ERI2: variants seen among roughly 807,000 people sequenced by gnomAD.
The protein encoded by ERI2 is ERI1 exoribonuclease 2.
Under a neutral mutation model 46.8 loss-of-function variants are expected in ERI2, and 35 were observed. The ratio of observed to expected loss-of-function variants is 0.75; its 90% CI spans 0.57 to 0.99. The LOEUF (loss-of-function observed/expected upper bound fraction) is 0.99. Among genes scored for constraint, ERI2 ranks in the 50% least tolerant of loss-of-function variants. ERI2 has a pLI of 0.00. For missense variants in ERI2, 695 were observed against 796.2 expected (o/e 0.87, Z 1.53); for synonymous variants, 224 against 271.0 (o/e 0.83, Z 1.70).
At chr16:20,789,610 A>G in intron 9 of ERI2, 1 of 1,245,358 alleles carries the variant, frequency 8.0e-7, no homozygotes. Flanking sequence ...CAAGAGGAAA[A>G]GATAATCAAG....
chr16:20,796,162 G>A, downstream of ERI2: 2 of 730,004 alleles, frequency 2.7e-6, no homozygotes, highest in South Asian at 4.6e-5. Flanking sequence ...GGATGAGGCT[G>A]GGTTGTTACA....
chr16:20,782,407 C>T (rs2080371935), intron 10 of ERI2, among the ~76,000 whole-genome samples: 1 of 152,118 alleles, frequency 6.6e-6, no homozygotes, highest in African/African-American at 2.4e-5. Flanking sequence ...CCCACCCTTT[C>T]CCCAGAGTCC....
Position 20,790,468 on chromosome 16 carries a change from A to AT in ERI2, c.815+381dup. On this transcript the variant is annotated intron_variant, in intron 9 of 10. Coordinates refer to the ERI2 transcript ENST00000300005. The surrounding 1 kb of genome is among the most constrained non-coding windows in gnomAD (Gnocchi z 4.0). ...TGAGACCTTGTCTCACACACACAAA[A>AT]TTTTTTTTAAGTCTTCATTTTTAAA... 1.2e-5 allele frequency: 12 copies of AT among 965,378 alleles called. No individual in the cohort carries two copies. Among genetic ancestry groups the AT allele is most frequent in the Non-Finnish European group, 1.9e-5 (12 of 643,864 alleles). The allele number at this position is 965,378 out of a possible 1,614,324, so 59.8% of individuals were successfully genotyped here. A position where few individuals can be genotyped will look rare whatever the true frequency, so the allele number is the denominator to read the frequency against.
intron 10 of ERI2, among the ~76,000 whole-genome samples, chr16:20,781,395 A>G (rs1870782028): frequency 6.6e-6 from 1 of 152,234 alleles, no homozygotes; most frequent in Non-Finnish European, 1.5e-5. Flanking sequence ...AAAAATGCAA[A>G]TAAAAAATAC....
rs2080745686 is a variant in ERI2, at chr16:20,797,625, C to T, written c.*99G>A. 12 of 1,361,698 alleles carry T rather than the reference C, an allele frequency of 8.8e-6. No individual in the cohort carries two copies. The highest frequency in any genetic ancestry group is 2.7e-4 in the Middle Eastern group (1 of 3,678). 84.4% of individuals were successfully genotyped at this position (1,361,698 alleles called of 1,614,324 possible). ...AAGAAAGTATGGTAAATGCAGTAAA[C>T]ATTAATATATAAAATAAAAATAAAA... On this transcript the variant is annotated 3_prime_UTR_variant, in exon 9 of 9. Transcript: ENST00000357967.
rs2080565995 is a variant in ERI2, at chr16:20,790,159, A to G, written c.816-602T>C. Among the ~76,000 whole-genome samples, 1 of 152,162 alleles carries G rather than the reference A, an allele frequency of 6.6e-6. No homozygotes were observed. The highest frequency in any genetic ancestry group is 2.1e-4 in the South Asian group (1 of 4,824). On this transcript the variant is annotated intron_variant, in intron 9 of 10. Transcript: ENST00000300005. This position sits in a 1 kb window ranked among gnomAD's most constrained non-coding sequence, Gnocchi z 4.0. The stretch of plus-strand genomic sequence containing the variant: ...CTCTTAGGAATTTAAAGTATATTTA[A>G]AATATTTTTGGGCCAGGTGCAGTGG...
At chr16:20,794,015 G>A (rs1179239588), downstream of ERI2, among the ~76,000 whole-genome samples, 3 of 152,184 alleles carry the variant, frequency 2.0e-5, no homozygotes, top group Non-Finnish European at 4.4e-5. Flanking sequence ...TCAGAGTGAG[G>A]GGGAAAGTGT....
At chr16:20,791,051 G>T in intron 8 of ERI2, 1 of 974,446 alleles carries the variant, frequency 1.0e-6, no homozygotes, top group Non-Finnish European at 1.5e-6. Flanking sequence ...GAGGGACAGG[G>T]GATGCGGGGG....
At chr16:20,780,616 A>G (rs1444290701) in exon 11 of ERI2, 1 of 1,610,624 alleles carries the variant, frequency 6.2e-7, no homozygotes, top group Non-Finnish European at 8.5e-7. Flanking sequence ...GATTCATGAC[A>G]TGAAGAGGTT....
chr16:20,786,245 G>C, intron 10 of ERI2: 1 of 1,499,052 alleles, frequency 6.7e-7, no homozygotes, highest in Non-Finnish European at 8.9e-7. Flanking sequence ...AACTTTCTTT[G>C]TTATGATGGT....
At chr16:20,802,115 G>A (rs969791276) in intron 4 of ERI2, among the ~76,000 whole-genome samples, 1 of 148,284 alleles carries the variant, frequency 6.7e-6, no homozygotes, top group Admixed American at 6.7e-5. Context: ...GCCAAGGTGG[G>A]CAGATCACTT....
chr16:20,802,027 G>T (rs973977530), intron 4 of ERI2, among the ~76,000 whole-genome samples: 5 of 150,432 alleles, frequency 3.3e-5, no homozygotes, highest in African/African-American at 4.9e-5. Flanking sequence ...CCAAAGTACT[G>T]AGATTACAGG....
chr16:20,789,049 C>T (rs1596535002), intron 10 of ERI2, among the ~76,000 whole-genome samples: 1 of 152,238 alleles, frequency 6.6e-6, no homozygotes, highest in Non-Finnish European at 1.5e-5. Context: ...TATATAAAAG[C>T]AGAATTTTGA....
chr16:20,796,830 G>A lies in ERI2; in HGVS notation c.*894C>T. 1 of 1,603,096 alleles carries A rather than the reference G, an allele frequency of 6.2e-7. No individual in the cohort carries two copies. The highest frequency in any genetic ancestry group is 8.5e-7 in the Non-Finnish European group (1 of 1,176,862). On this transcript the variant is annotated 3_prime_UTR_variant, in exon 9 of 9. Coordinates refer to ENST00000357967, the MANE Select transcript of ERI2 (RefSeq NM_001142725.2). ...TCATAATCAAACTGCTATATAATTG[G>A]CTTTATGTAAAGATAAAAATTTCCA...
At chr16:20,780,741 G>A in intron 10 of ERI2, 1 of 1,614,186 alleles carries the variant, frequency 6.2e-7, no homozygotes, top group South Asian at 1.1e-5. Context: ...ACACCTGTGT[G>A]AAGACAAAAC....
At chr16:20,792,184 T>G, downstream of ERI2, 1 of 1,614,068 alleles carries the variant, frequency 6.2e-7, no homozygotes, top group Non-Finnish European at 8.5e-7. Flanking sequence ...ATCAGTGTTC[T>G]AGAGTGAACC....
chr16:20,786,295 T>C (rs1465955768), intron 10 of ERI2: 1 of 1,403,292 alleles, frequency 7.1e-7, no homozygotes, highest in Non-Finnish European at 9.4e-7. Context: ...TTTTTATAAA[T>C]ATGTGAAAAT....
chr16:20,785,479 T>G (rs1016037594), intron 10 of ERI2, among the ~76,000 whole-genome samples: 2 of 152,044 alleles, frequency 1.3e-5, no homozygotes, highest in Non-Finnish European at 2.9e-5. Flanking sequence ...ATATTAAGAG[T>G]TTGCTGGACA....
At chr16:20,781,335 A>G (rs2080349058) in intron 10 of ERI2, among the ~76,000 whole-genome samples, 1 of 152,208 alleles carries the variant, frequency 6.6e-6, no homozygotes, top group Non-Finnish European at 1.5e-5. Flanking sequence ...TGCCAGGCAC[A>G]TATTGAAAAT....
Sources: allele counts gnomAD v4.1 joint callset (sites outside exome capture counted in the v4.1 genomes callset), GRCh38; gene constraint gnomAD v4.1.1; non-coding constraint Gnocchi (gnomAD v3.1); transcripts MANE v1.5; gene names NCBI Gene and HGNC (gene_info 2026-07-23, HGNC 2026-07-21).